The following DNAH5 variants were observed in gnomAD, a reference collection of about 807,000 sequenced individuals.
The protein encoded by DNAH5 is dynein axonemal heavy chain 5.
A neutral mutation model predicts 518.2 loss-of-function variants in DNAH5; 372 were observed. That is an observed-to-expected ratio of 0.72 (90% CI 0.66 to 0.78). The LOEUF is 0.78. DNAH5 is among the 30% of genes least tolerant of loss of function. The pLI is 0.00. For missense variants in DNAH5, 5,523 were observed against 5,687.0 expected (o/e 0.97, Z 0.93); for synonymous variants, 2,039 against 2,025.9 (o/e 1.01, Z -0.17).
At chr5:13,735,359 G>T in intron 67 of DNAH5, 38 bp from the exon 68 acceptor site, 1 of 1,579,602 alleles carries the variant, frequency 6.3e-7, no homozygotes, top group Non-Finnish European at 8.7e-7. Context: ...TTATCCCACT[G>T]CCCTTTTCAA....
intron 29 of DNAH5, among the ~76,000 whole-genome samples, chr5:13,860,751 G>T (rs1375803004): frequency 6.6e-6 from 1 of 152,164 alleles, no homozygotes; most frequent in Non-Finnish European, 1.5e-5. Flanking sequence ...CATTTTGTAT[G>T]TGGTGTTTCT....
At chr5:13,803,102 A>G (rs1187156959) in intron 47 of DNAH5, among the ~76,000 whole-genome samples, 1 of 152,212 alleles carries the variant, frequency 6.6e-6, no homozygotes, top group Non-Finnish European at 1.5e-5. Context: ...TATTATTTCT[A>G]TGTGTAGCTC....
chr5:13,842,353 C>G (rs528969851), intron 32 of DNAH5, among the ~76,000 whole-genome samples: 1 of 150,908 alleles, frequency 6.6e-6, no homozygotes, highest in South Asian at 2.1e-4. Flanking sequence ...GCACTCCAGG[C>G]TGGGCAACAA....
chr5:13,702,854 G>A (rs1038957713), intron 76 of DNAH5, among the ~76,000 whole-genome samples: 1 of 152,018 alleles, frequency 6.6e-6, no homozygotes, highest in Non-Finnish European at 1.5e-5. Context: ...ACATACCTGA[G>A]GCTCAGCACC....
chr5:13,955,851 AT>A (rs1780730801), intron 1 of DNAH5, among the ~76,000 whole-genome samples: 1 of 152,190 alleles, frequency 6.6e-6, no homozygotes, highest in Admixed American at 6.5e-5. Flanking sequence ...TCTGGTAGAG[AT>A]TAAACCTTTT....
intron 2 of DNAH5, among the ~76,000 whole-genome samples, chr5:13,930,045 G>C (rs1169631113): frequency 6.6e-6 from 1 of 152,222 alleles, no homozygotes; most frequent in Non-Finnish European, 1.5e-5. Flanking sequence ...CATTCAATAA[G>C]TGTCAGCTAT....
chr5:13,904,507 TTA>T (rs1310944901), intron 12 of DNAH5, among the ~76,000 whole-genome samples: 1 of 150,076 alleles, frequency 6.7e-6, no homozygotes, highest in Non-Finnish European at 1.5e-5. Flanking sequence ...TATATTGATT[TTA>T]TATATATGGA....
intron 53 of DNAH5, among the ~76,000 whole-genome samples, chr5:13,778,440 T>C (rs1028326628): frequency 3.2e-5 from 4 of 124,430 alleles, no homozygotes; most frequent in East Asian, 2.4e-4. Context: ...AATTAGAAGA[T>C]GCAGCCTCTA....
rs528663704 is a variant in DNAH5, at chr5:13,771,053, C to A, written c.9374-73G>T. The A allele has an allele frequency of 3.1e-6, 4 of 1,308,184 alleles. No homozygotes were observed. The South Asian group carries it at 3.8e-5, about 12-fold the overall frequency. 81.0% of individuals were successfully genotyped at this position (1,308,184 alleles called of 1,614,324 possible). A position where few individuals can be genotyped will look rare whatever the true frequency, so the allele number is the denominator to read the frequency against. ...CCTTTTAAAAGTTAACTGTTTATTT[C>A]TAAAACTTAGACATTTCTTAGGAAT... is the stretch of plus-strand genomic sequence containing the variant. On this transcript the variant is annotated intron_variant, in intron 55 of 78. Coordinates refer to ENST00000265104, the MANE Select transcript of DNAH5 (RefSeq NM_001369.3).
intron 38 of DNAH5, among the ~76,000 whole-genome samples, chr5:13,825,200 C>G (rs1317160573): frequency 6.6e-6 from 1 of 151,906 alleles, no homozygotes; most frequent in Non-Finnish European, 1.5e-5. Context: ...AAAAATTAAC[C>G]AAGTGTGGTG....
intron 71 of DNAH5, among the ~76,000 whole-genome samples, chr5:13,720,141 TAA>T (rs1561108773): frequency 6.6e-6 from 1 of 150,566 alleles, no homozygotes; most frequent in Non-Finnish European, 1.5e-5. Flanking sequence ...GCACTAGATC[TAA>T]AGTCTTAGCA....
chr5:13,745,507 A>G (rs1412741599), intron 65 of DNAH5, among the ~76,000 whole-genome samples: 1 of 152,156 alleles, frequency 6.6e-6, no homozygotes, highest in Non-Finnish European at 1.5e-5. Flanking sequence ...TCTAGCAGAT[A>G]TACAACTGAA....
rs145062784 is a variant in DNAH5, at chr5:13,996,139, ATGGCTTTC to A, written c.12+15501_12+15508del. 2.3e-3 allele frequency among the ~76,000 whole-genome samples: 343 copies of A among 152,234 alleles called. 10 individuals are homozygous for A. The East Asian group carries it at 0.047, about 21-fold the overall frequency. ...GATGATTAAAGGTGTTTCCCATACA[ATGGCTTTC>A]TGGCTTTCTGGCTTTCTGGCTCATG... On this transcript the variant is annotated intron_variant, in intron 1 of 78. Transcript: ENST00000681290.
Position 13,721,024 on chromosome 5 carries a change from C to T in DNAH5, c.12255G>A (p.Lys4085=), listed in dbSNP as rs964388489. 6 of 1,614,006 alleles carry T rather than the reference C, an allele frequency of 3.7e-6. No individual in the cohort carries two copies. In the African/African-American group the frequency reaches 4.0e-5, roughly 11 times the overall value. The stretch of plus-strand genomic sequence containing the variant: ...CGTTCGCCATGGTCTGCTGCAAGAG[C>T]TTCCGAGCATGGACTTCCTGGCCCT... ...MGQGQEVHAR[K]LLQQTMANGG... is the part of the protein sequence containing the mutation. Residue 4085 remains lysine (K), a synonymous_variant, in exon 71 of 79, where the codon AAG becomes AAA. Transcript: ENST00000265104.
Position 13,762,974 on chromosome 5 carries a change from T to C in DNAH5, c.10102-73A>G. ...AGTCATACTTGCATCATGCTCTCAATGCCACTGAAACTACTGAACGACCAC... is the reference window on the plus strand; with the variant it reads ...AGTCATACTTGCATCATGCTCTCAACGCCACTGAAACTACTGAACGACCAC... On this transcript the variant is annotated intron_variant, in intron 59 of 78. Coordinates refer to ENST00000265104, the MANE Select transcript of DNAH5 (RefSeq NM_001369.3). The C allele has an allele frequency of 1.0e-5, 13 of 1,303,822 alleles. No homozygotes were observed. In the South Asian group the frequency reaches 1.4e-4, roughly 14 times the overall value. 80.8% of individuals were successfully genotyped at this position (1,303,822 alleles called of 1,614,324 possible).
intron 3 of DNAH5, among the ~76,000 whole-genome samples, chr5:13,924,300 A>G (rs951563614): frequency 6.6e-6 from 1 of 152,182 alleles, no homozygotes; most frequent in Non-Finnish European, 1.5e-5. Context: ...CTTCAATCTC[A>G]GGCTGCACTC....
intron 70 of DNAH5, among the ~76,000 whole-genome samples, chr5:13,726,484 C>T (rs1177699849): frequency 6.6e-6 from 1 of 152,156 alleles, no homozygotes; most frequent in East Asian, 1.9e-4. Flanking sequence ...AGCATTGAAG[C>T]AAATATAGCT....
chr5:13,985,348 A>G (rs1392610995), intron 1 of DNAH5, among the ~76,000 whole-genome samples: 1 of 151,358 alleles, frequency 6.6e-6, no homozygotes, highest in African/African-American at 2.4e-5. Context: ...TAATGGGTGC[A>G]GCACACCAAC....
chr5:13,812,263 A>G (rs373079968), intron 43 of DNAH5, among the ~76,000 whole-genome samples: 58 of 152,288 alleles, frequency 3.8e-4, no homozygotes, highest in African/African-American at 1.3e-3. Flanking sequence ...CTCAGGGGGG[A>G]AAAGTAAAGA....
Sources: allele counts gnomAD v4.1 joint callset (sites outside exome capture counted in the v4.1 genomes callset), GRCh38; gene constraint gnomAD v4.1.1; transcripts MANE v1.5; gene names NCBI Gene and HGNC (gene_info 2026-07-23, HGNC 2026-07-21).